Variants in ARHGEF40 observed in about 807,000 individuals in gnomAD.
ARHGEF40 encodes the protein Rho guanine nucleotide exchange factor (GEF) 40.
ARHGEF40 carries 98 observed loss-of-function variants against 165.9 expected under a neutral mutation model. That is an observed-to-expected ratio of 0.59 (90% confidence interval 0.50 to 0.70). The LOEUF is 0.70. ARHGEF40 is among the 30% of genes least tolerant of loss of function. The probability of loss-of-function intolerance (pLI) is 0.00; values close to 1 mark genes in which losing one functional copy is unlikely to be tolerated. For missense variants in ARHGEF40, 1,815 were observed against 1,968.0 expected, an observed-to-expected ratio of 0.92 and a Z score of 1.47; for synonymous variants, 792 against 814.3, an observed-to-expected ratio of 0.97 and a Z score of 0.47.
upstream of ARHGEF40, among the ~76,000 whole-genome samples, chr14:21,070,052 C>G (rs1332340549): frequency 2.0e-5 from 3 of 151,860 alleles, no homozygotes; most frequent in Non-Finnish European, 4.4e-5. The surrounding 1 kb of genome is among the most constrained non-coding windows in gnomAD (Gnocchi z 4.7). Context: ...CGAGGTTACC[C>G]GCTGGAGGGC....
chr14:21,078,806 A>G (rs1180796013), intron 10 of ARHGEF40, 78 bp from the exon 11 acceptor site: 6 of 1,558,968 alleles, frequency 3.8e-6, no homozygotes, highest in Non-Finnish European at 4.4e-6. Flanking sequence ...TCATGTTTGC[A>G]TCCCTCAGAG....
At chr14:21,076,482 C>A in intron 6 of ARHGEF40, 26 bp downstream of exon 6, 1 of 1,613,888 alleles carries the variant, frequency 6.2e-7, no homozygotes, top group Non-Finnish European at 8.5e-7. Flanking sequence ...ACAGGCAGTT[C>A]CCCTGGATCC....
At chr14:21,063,606 A>T in the ARHGEF40 span, among the ~76,000 whole-genome samples, 1 of 152,164 alleles carries the variant, frequency 6.6e-6, no homozygotes, top group South Asian at 2.1e-4. Flanking sequence ...AGTCTGGAGG[A>T]TGGGAATGAC....
At position 21,074,991 on chromosome 14, in the gene ARHGEF40, A is replaced by G. The variant is rs771358749; in HGVS notation, c.1261A>G (p.Ser421Gly). 2 of 1,613,394 alleles carry G rather than the reference A, an allele frequency of 1.2e-6. No homozygotes were observed. Among genetic ancestry groups the G allele is most frequent in the Non-Finnish European group, 1.7e-6 (2 of 1,179,852 alleles). Reference protein sequence around the residue: ...QEALGNLPSPSEHKLPECHLV... With the variant: ...QEALGNLPSPGEHKLPECHLV... ...AGCCCTTGGCAATCTGCCCTCACCA[A>G]GTGAGCACAAGCTTCCAGAATGCCA... Residue 421 changes from serine (S) to glycine (G), a missense_variant, in exon 3 of 24, where the codon AGT (serine) becomes GGT (glycine). By Grantham distance (56) the Ser-to-Gly change is moderately conservative (BLOSUM62 0). Transcript: ENST00000298694. The surrounding 1 kb of genome is among the most constrained non-coding windows in gnomAD (Gnocchi z 4.8).
chr14:21,067,795 A>G (rs543131259), upstream of ARHGEF40, among the ~76,000 whole-genome samples: 6 of 151,516 alleles, frequency 4.0e-5, no homozygotes, highest in South Asian at 1.3e-3. Context: ...CTTTTAGGTA[A>G]GAGCCTGCAT....
At chr14:21,064,254 T>C in the ARHGEF40 span, among the ~76,000 whole-genome samples, 18 of 152,224 alleles carry the variant, frequency 1.2e-4, no homozygotes, top group African/African-American at 4.3e-4. Flanking sequence ...ATAAATTCCC[T>C]AAAATTGAGA....
Position 21,081,969 on chromosome 14 carries a change from C to G in ARHGEF40, c.3101C>G (p.Ala1034Gly). 6.3e-7 allele frequency: 1 copy of G among 1,597,442 alleles called. No individual in the cohort carries two copies. Among genetic ancestry groups the G allele is most frequent in the Non-Finnish European group, 8.5e-7 (1 of 1,172,048 alleles). ...GAAGCAGAGGGCAGGCCCCCAAGAG[C>G]TGTGCTGATCCGAGGCCTGGAGGTC... ...APEAEGRPPRAVLIRGLEVTS... is the reference protein window; with the variant it reads ...APEAEGRPPRGVLIRGLEVTS... Residue 1034 changes from alanine (A) to glycine (G), a missense_variant, in exon 14 of 24, where the codon GCT becomes GGT. Coordinates refer to ENST00000298694, the MANE Select transcript of ARHGEF40 (RefSeq NM_018071.5).
upstream of ARHGEF40, among the ~76,000 whole-genome samples, chr14:21,067,800 C>T (rs1476387430): frequency 6.6e-6 from 1 of 151,660 alleles, no homozygotes; most frequent in Non-Finnish European, 1.5e-5. Flanking sequence ...AGGTAAGAGC[C>T]TGCATTCTTT....
chr14:21,073,161 T>C lies in ARHGEF40; in HGVS notation c.120T>C (p.Tyr40=), dbSNP rs146899875. The change falls in exon 2 of 24, where the codon TAT becomes TAC. Residue 40 remains tyrosine (Y), a synonymous_variant. Coordinates refer to ENST00000298694, the MANE Select transcript of ARHGEF40 (RefSeq NM_018071.5). The surrounding 1 kb of genome is among the most constrained non-coding windows in gnomAD (Gnocchi z 4.6). ...GQVFQVVERT[Y]REDALRYTLD... ...TGTTCCAGGTGGTGGAGAGGACTTA[T>C]CGGGAGGACGCACTGAGGTACACGC... The C allele has an allele frequency of 2.5e-6, 4 of 1,613,990 alleles. No individual in the cohort carries two copies. Among genetic ancestry groups the C allele is most frequent in the Non-Finnish European group, 3.4e-6 (4 of 1,180,008 alleles).
At chr14:21,082,943 G>A (rs749626021) in intron 16 of ARHGEF40, 26 bp downstream of exon 16, 1 of 1,607,372 alleles carries the variant, frequency 6.2e-7, no homozygotes, top group South Asian at 1.1e-5. Flanking sequence ...ACCTTCAGGA[G>A]AAAAGTAGAG....
At chr14:21,081,094 A>G in intron 13 of ARHGEF40, 78 bp downstream of exon 13, 1 of 1,529,042 alleles carries the variant, frequency 6.5e-7, no homozygotes, top group Non-Finnish European at 8.8e-7. Context: ...AGGCTAATCA[A>G]GTTGTTAAAA....
chr14:21,081,539 C>T lies in ARHGEF40; in HGVS notation c.2671C>T (p.Arg891Trp), dbSNP rs757284202. The T allele has an allele frequency of 1.4e-5, 23 of 1,612,954 alleles. No homozygotes were observed. The highest frequency in any genetic ancestry group is 3.3e-4 in the Middle Eastern group (2 of 6,080). ...AHEWVDEGFA[R>W]LAGAGPGREA... ...TGAATGGGTGGATGAGGGCTTTGCT[C>T]GGCTGGCAGGAGCTGGGCCGGGTCG... is the stretch of plus-strand genomic sequence containing the variant. The change falls in exon 14 of 24, where the codon CGG (arginine) becomes TGG (tryptophan). Residue 891 changes from arginine to tryptophan, a missense_variant. Arg to Trp is a moderately radical substitution (Grantham distance 101, BLOSUM62 -3). Coordinates refer to ENST00000298694, the MANE Select transcript of ARHGEF40 (RefSeq NM_018071.5).
In ARHGEF40 at chr14:21,073,934, C is replaced by T; in HGVS notation, c.204C>T (p.Ala68=). Residue 68 remains alanine (A), a splice_region_variant and synonymous_variant, in exon 3 of 24, where the codon GCC becomes GCT. Transcript: ENST00000298694. This position sits in a 1 kb window ranked among gnomAD's most constrained non-coding sequence, Gnocchi z 4.6. The part of the protein sequence containing the change: ...LLAKVQQEAC[A]QYSGFLFFHE... Reference sequence around the variant, plus strand: ...CAGCCTCCCACCTCTCTCCCCAGGCCCAATACAGTGGATTCCTCTTCTTCC... The same window carrying T: ...CAGCCTCCCACCTCTCTCCCCAGGCTCAATACAGTGGATTCCTCTTCTTCC... The T allele has an allele frequency of 3.8e-6, 6 of 1,598,286 alleles. No individual in the cohort carries two copies. The highest frequency in any genetic ancestry group is 5.1e-6 in the Non-Finnish European group (6 of 1,177,138).
rs1286497123 is a variant in ARHGEF40, at chr14:21,085,716, A to G, written c.3988A>G (p.Ile1330Val). The G allele has an allele frequency of 1.9e-6, 3 of 1,614,096 alleles. No individual in the cohort carries two copies. Among genetic ancestry groups the G allele is most frequent in the Admixed American group, 1.7e-5 (1 of 60,032 alleles). The part of the protein sequence containing the change: ...KTADMGLTEN[I>V]GDSGLCFELW... ...TGCTGATATGGGGCTGACAGAAAAC[A>G]TCGGGGACAGCGGACTCTGCTTTGA... The change falls in exon 19 of 24, where the codon ATC becomes GTC. Residue 1330 changes from isoleucine (I) to valine (V), a missense_variant. Ile to Val is a conservative substitution (Grantham distance 29, BLOSUM62 3). Transcript: ENST00000298694.
upstream of ARHGEF40, chr14:21,070,162 A>C: frequency 9.7e-6 from 2 of 206,208 alleles, no homozygotes; most frequent in Non-Finnish European, 8.8e-6. This position sits in a 1 kb window ranked among gnomAD's most constrained non-coding sequence, Gnocchi z 4.7. Flanking sequence ...AGTCCCGGCA[A>C]GGGGTCCCGC....
At chr14:21,078,859 TC>T in intron 10 of ARHGEF40, 24 bp from the exon 11 acceptor site, 1 of 1,603,184 alleles carries the variant, frequency 6.2e-7, no homozygotes, top group Non-Finnish European at 8.5e-7. Context: ...GGGAAATGAT[TC>T]ATTCTTCTCT....
At position 21,087,389 on chromosome 14, in the gene ARHGEF40, C is replaced by T. The variant is rs777731715; in HGVS notation, c.4313C>T (p.Ser1438Leu). 8.1e-6 allele frequency: 13 copies of T among 1,603,266 alleles called. No individual in the cohort carries two copies. The highest frequency in any genetic ancestry group is 1.6e-4 in the Middle Eastern group (1 of 6,084). ...GCCGGCCCCTCCCTTCCCGGCCTTT[C>T]GCCGGGAGCCTGCTCCCTGCCTGCC... is the stretch of plus-strand genomic sequence containing the variant. ...EHAGPSLPGL[S>L]PGACSLPARV... Residue 1438 changes from serine to leucine, a missense_variant, in exon 21 of 24, where the codon TCG becomes TTG. Coordinates refer to ENST00000298694, the MANE Select transcript of ARHGEF40 (RefSeq NM_018071.5).
chr14:21,085,573 G>C, intron 18 of ARHGEF40, 116 bp from the exon 19 acceptor site: 1 of 1,244,252 alleles, frequency 8.0e-7, no homozygotes, highest in Non-Finnish European at 1.1e-6. Flanking sequence ...GATAGGTGTT[G>C]AGCAAACGTT....
At chr14:21,070,283 G>A (rs1271640030), upstream of ARHGEF40, 5 of 1,133,646 alleles carry the variant, frequency 4.4e-6, no homozygotes, top group African/African-American at 4.9e-5. This position sits in a 1 kb window ranked among gnomAD's most constrained non-coding sequence, Gnocchi z 4.7. Flanking sequence ...CCGCCACCGC[G>A]GCCGGAGCTG....
Sources: gnomAD v4.1 joint callset for allele counts (sites outside exome capture counted in the v4.1 genomes callset) on GRCh38, gnomAD v4.1.1 for gene constraint, Gnocchi (gnomAD v3.1) non-coding constraint, MANE v1.5 for transcripts, NCBI Gene and HGNC (gene_info 2026-07-23, HGNC 2026-07-21) for gene names.